TRAF3: variants seen among roughly 807,000 people sequenced by gnomAD.
TRAF3 encodes TNF receptor-associated factor 3.
A neutral mutation model predicts 62.3 loss-of-function variants in TRAF3; 13 were observed. The ratio of observed to expected loss-of-function variants is 0.21; its 90% CI spans 0.14 to 0.33. TRAF3 has a LOEUF of 0.33. Ranked by LOEUF, TRAF3 falls within the 10% of genes least tolerant of loss-of-function variation. TRAF3 has a pLI of 1.00. For missense variants in TRAF3, 440 were observed against 741.8 expected, an observed-to-expected ratio of 0.59 and a Z score of 4.73; for synonymous variants, 269 against 283.4, an observed-to-expected ratio of 0.95 and a Z score of 0.51.
chr14:102,865,180 C>T (rs1887909453), intron 2 of TRAF3, among the ~76,000 whole-genome samples: 1 of 152,118 alleles, frequency 6.6e-6, no homozygotes, highest in Non-Finnish European at 1.5e-5. Flanking sequence ...TCCCCTGGTT[C>T]TGGTGCCTGT....
intron 2 of TRAF3, among the ~76,000 whole-genome samples, chr14:102,854,826 T>C (rs1887271571): frequency 6.7e-6 from 1 of 149,618 alleles, no homozygotes; most frequent in Admixed American, 6.7e-5. Context: ...TTTTTAACAA[T>C]GTTTTAAAAT....
chr14:102,899,124 G>T (rs2139982437), intron 10 of TRAF3, among the ~76,000 whole-genome samples: 1 of 152,360 alleles, frequency 6.6e-6, no homozygotes, highest in Non-Finnish European at 1.5e-5. Context: ...CATGTGACCT[G>T]TTGAGCAGGC....
At position 102,831,433 on chromosome 14, in the gene TRAF3, A is replaced by G. The variant is rs141167805; in HGVS notation, c.-18+961A>G. Among the ~76,000 whole-genome samples, 12 of 152,344 alleles carry G rather than the reference A, an allele frequency of 7.9e-5. No homozygotes were observed. In the East Asian group the frequency reaches 2.1e-3, roughly 27 times the overall value. On this transcript the variant is annotated intron_variant, in intron 2 of 11. Transcript: ENST00000392745. ...GCAGGCGGAGGTAAAACATTTTTCA[A>G]AGAAAAGGGTAAGATAGGCTCTTGG...
At chr14:102,892,839 G>T (rs892516071) in intron 9 of TRAF3, among the ~76,000 whole-genome samples, 3 of 152,198 alleles carry the variant, frequency 2.0e-5, no homozygotes, top group African/African-American at 2.4e-5. Context: ...GGCATCCTGT[G>T]CACACACACG....
chr14:102,799,439 GT>G (rs1051574304), intron 1 of TRAF3, among the ~76,000 whole-genome samples: 1 of 152,076 alleles, frequency 6.6e-6, no homozygotes, highest in African/African-American at 2.4e-5. Context: ...TTCTTTACTT[GT>G]TTTTGTTGTT....
intron 2 of TRAF3, among the ~76,000 whole-genome samples, chr14:102,846,638 T>TAAAAAAAAAAAAAAAAAAAA (rs752922791): frequency 1.4e-5 from 1 of 71,750 alleles, no homozygotes; most frequent in African/African-American, 6.3e-5. Context: ...TCCAGCTTCT[T>TAAAAAAAAAAAAAAAAAAAA]AAAAAAAAAA....
intron 1 of TRAF3, among the ~76,000 whole-genome samples, chr14:102,804,245 G>T (rs1413765503): frequency 6.6e-6 from 1 of 151,852 alleles, no homozygotes; most frequent in African/African-American, 2.4e-5. Flanking sequence ...GTGTGTCTAC[G>T]CAGACTCCCT....
chr14:102,845,407 TG>T (rs1886640265), intron 2 of TRAF3, among the ~76,000 whole-genome samples: 1 of 151,840 alleles, frequency 6.6e-6, no homozygotes, highest in Non-Finnish European at 1.5e-5. Context: ...TTCACCATGT[TG>T]GTCAGGCTGG....
intron 2 of TRAF3, among the ~76,000 whole-genome samples, chr14:102,832,706 C>T (rs1885719521): frequency 6.6e-6 from 1 of 152,100 alleles, no homozygotes; most frequent in African/African-American, 2.4e-5. Context: ...TCAAGCACTA[C>T]CTACACACAC....
intron 2 of TRAF3, among the ~76,000 whole-genome samples, chr14:102,839,505 C>T (rs1886248344): frequency 1.3e-5 from 2 of 152,200 alleles, no homozygotes; most frequent in South Asian, 4.1e-4. Flanking sequence ...CAGGCGTGAG[C>T]CACTGTGCCC....
intron 1 of TRAF3, among the ~76,000 whole-genome samples, chr14:102,828,809 A>T (rs1299146585): frequency 2.0e-5 from 3 of 152,220 alleles, no homozygotes; most frequent in Non-Finnish European, 4.4e-5. Flanking sequence ...TTCTTTGAAG[A>T]GATCTGCTTT....
intron 3 of TRAF3, among the ~76,000 whole-genome samples, 164 bp downstream of exon 3, chr14:102,870,610 G>A (rs1219366004): frequency 2.0e-5 from 3 of 152,222 alleles, no homozygotes; most frequent in Non-Finnish European, 4.4e-5. Flanking sequence ...GAGGTGCAGT[G>A]GGATCCCACG....
chr14:102,781,504 A>T (rs776270359), intron 1 of TRAF3, among the ~76,000 whole-genome samples: 20 of 152,170 alleles, frequency 1.3e-4, no homozygotes, highest in Non-Finnish European at 1.9e-4. Context: ...TGTAAATGTT[A>T]AACAGCCCCT....
chr14:102,892,963 T>C (rs371567009), intron 9 of TRAF3, among the ~76,000 whole-genome samples: 2 of 152,348 alleles, frequency 1.3e-5, no homozygotes, highest in East Asian at 3.9e-4. Flanking sequence ...TACCTAGGAA[T>C]CTTTTTTTTC....
intron 6 of TRAF3, among the ~76,000 whole-genome samples, chr14:102,880,112 T>C (rs140427688): frequency 4.6e-5 from 7 of 152,210 alleles, no homozygotes; most frequent in Admixed American, 4.6e-4. Context: ...TGAGACCCTG[T>C]CTCAAAAAAA....
Position 102,905,706 on chromosome 14 carries a change from A to G in TRAF3, c.1629A>G (p.Leu543=). 2 of 1,612,600 alleles carry G rather than the reference A, an allele frequency of 1.2e-6. No homozygotes were observed. The highest frequency in any genetic ancestry group is 1.7e-6 in the Non-Finnish European group (2 of 1,178,858). ...CAGTCTTTGTGGCCCAAACTGTTCT[A>G]GAAAATGGGACATATATTAAAGATG... is the stretch of plus-strand genomic sequence containing the variant. ...GCPVFVAQTV[L]ENGTYIKDDT... Residue 543 remains leucine, a synonymous_variant, in exon 12 of 12, where the codon CTA becomes CTG. Transcript: ENST00000392745.
In TRAF3 at chr14:102,876,529, C is replaced by T. The variant is rs376228222; in HGVS notation, c.570+4C>T. ...GGTTCCGATGATCGCGCTGCAGGTG[C>T]GGGTCCTCCCATTCCACAGGCCTTC... On this transcript the variant is annotated splice_donor_region_variant and intron_variant, in intron 6 of 11. Transcript: ENST00000392745. 4.5e-5 allele frequency: 73 copies of T among 1,612,740 alleles called. No homozygotes were observed. The highest frequency in any genetic ancestry group is 6.7e-5 in the Admixed American group (4 of 59,982).
intron 7 of TRAF3, 126 bp downstream of exon 7, chr14:102,886,395 A>G (rs1005751980): frequency 6.0e-5 from 49 of 814,438 alleles, no homozygotes; most frequent in Non-Finnish European, 7.5e-5. Context: ...ATGGCAGACA[A>G]ACAAAAACCA....
chr14:102,868,448 G>A (rs796875111), intron 2 of TRAF3, among the ~76,000 whole-genome samples: 6 of 152,260 alleles, frequency 3.9e-5, no homozygotes, highest in African/African-American at 1.4e-4. Flanking sequence ...TGTTGACAGT[G>A]GGGGAGTGGT....
Sources: allele counts gnomAD v4.1 joint callset (sites outside exome capture counted in the v4.1 genomes callset), GRCh38; gene constraint gnomAD v4.1.1; transcripts MANE v1.5; gene names NCBI Gene and HGNC (gene_info 2026-07-23, HGNC 2026-07-21).